GPR19: variants seen among roughly 807,000 people sequenced by gnomAD.
GPR19 encodes the protein probable G protein-coupled receptor 19.
A neutral mutation model predicts 28.5 loss-of-function variants in GPR19; 14 were observed. That is an observed-to-expected ratio of 0.49 (90% CI 0.32 to 0.77). The LOEUF is 0.77. GPR19 is among the 30% of genes least tolerant of loss of function. The pLI, the probability that GPR19 is intolerant of heterozygous loss-of-function variation, is 0.03. For synonymous variants in GPR19, 173 were observed against 184.1 expected, an observed-to-expected ratio of 0.94 and a Z score of 0.49; for missense variants, 409 against 504.1, an observed-to-expected ratio of 0.81 and a Z score of 1.81.
chr12:12,705,454 A>C, the GPR19 span, among the ~76,000 whole-genome samples: 5 of 152,190 alleles, frequency 3.3e-5, no homozygotes, highest in Non-Finnish European at 5.9e-5. Context: ...AGTTGAAATG[A>C]GAGACTCACA....
intron 3 of GPR19, among the ~76,000 whole-genome samples, chr12:12,673,393 G>C (rs1945881370): frequency 6.6e-6 from 1 of 152,178 alleles, no homozygotes; most frequent in African/African-American, 2.4e-5. Context: ...CTGAGGTCAG[G>C]GGAAGTCCTG....
the GPR19 span, chr12:12,717,194 C>T: frequency 1.9e-6 from 2 of 1,048,230 alleles, no homozygotes; most frequent in Non-Finnish European, 2.3e-6. Context: ...ACGCGACCAG[C>T]CAATCTCCCG....
At chr12:12,667,851 G>T (rs1945804866) in intron 3 of GPR19, among the ~76,000 whole-genome samples, 1 of 152,028 alleles carries the variant, frequency 6.6e-6, no homozygotes, top group South Asian at 2.1e-4. Context: ...TGAGGATAAG[G>T]ACTATGTCTT....
At chr12:12,679,686 T>G (rs550447884) in intron 3 of GPR19, among the ~76,000 whole-genome samples, 2 of 147,354 alleles carry the variant, frequency 1.4e-5, no homozygotes, top group African/African-American at 5.0e-5. Flanking sequence ...AACACTACAA[T>G]GACAAGGACA....
At chr12:12,673,373 G>A (rs558886198) in intron 3 of GPR19, among the ~76,000 whole-genome samples, 1 of 152,352 alleles carries the variant, frequency 6.6e-6, no homozygotes, top group African/African-American at 2.4e-5. Context: ...AGGGCACTGG[G>A]TGGTATCTTC....
At chr12:12,664,037 G>A (rs1216771590) in intron 3 of GPR19, among the ~76,000 whole-genome samples, 3 of 151,974 alleles carry the variant, frequency 2.0e-5, no homozygotes, top group Non-Finnish European at 2.9e-5. Flanking sequence ...TCCGTCCCCC[G>A]GGCTGGTGTG....
At chr12:12,681,617 G>A (rs1362112081) in intron 3 of GPR19, among the ~76,000 whole-genome samples, 1 of 152,188 alleles carries the variant, frequency 6.6e-6, no homozygotes, top group African/African-American at 2.4e-5. Flanking sequence ...TGTAGCACTT[G>A]CCAGCTGGTT....
chr12:12,712,719 G>A, the GPR19 span, among the ~76,000 whole-genome samples: 1 of 152,124 alleles, frequency 6.6e-6, no homozygotes, highest in African/African-American at 2.4e-5. Flanking sequence ...CACCCAGGCT[G>A]GAGTGCAATG....
chr12:12,696,735 G>C (rs957729406), upstream of GPR19, among the ~76,000 whole-genome samples: 3 of 152,212 alleles, frequency 2.0e-5, no homozygotes, highest in Non-Finnish European at 2.9e-5. Flanking sequence ...CTGTGTCGCG[G>C]TTCTCGCCGC....
At chr12:12,691,508 T>C (rs1946180478) in intron 2 of GPR19, among the ~76,000 whole-genome samples, 1 of 152,186 alleles carries the variant, frequency 6.6e-6, no homozygotes, top group Admixed American at 6.5e-5. Flanking sequence ...TTTTATCTTA[T>C]CTGTAGTTCT....
At chr12:12,699,639 G>A (rs550851628), upstream of GPR19, among the ~76,000 whole-genome samples, 6 of 152,248 alleles carry the variant, frequency 3.9e-5, no homozygotes, top group South Asian at 2.1e-4. Context: ...TTCAATCAGA[G>A]GGAAGAGAAT....
intron 3 of GPR19, among the ~76,000 whole-genome samples, chr12:12,679,808 T>C (rs755744095): frequency 2.6e-5 from 4 of 152,196 alleles, no homozygotes; most frequent in Non-Finnish European, 4.4e-5. Flanking sequence ...TCACTTATAA[T>C]CTGTGTAGCT....
At chr12:12,697,179 C>T (rs1283535139), upstream of GPR19, among the ~76,000 whole-genome samples, 1 of 20,166 alleles carries the variant, frequency 5.0e-5, no homozygotes, top group African/African-American at 1.2e-4. Flanking sequence ...AAAAAAAAAG[C>T]AGCCATGCAA....
upstream of GPR19, among the ~76,000 whole-genome samples, chr12:12,697,652 A>G (rs1565413774): frequency 6.6e-6 from 1 of 152,246 alleles, no homozygotes; most frequent in Non-Finnish European, 1.5e-5. Context: ...ATATGAAATT[A>G]AGCAGAGAAT....
chr12:12,701,994 C>T, the GPR19 span, among the ~76,000 whole-genome samples: 1 of 150,172 alleles, frequency 6.7e-6, no homozygotes, highest in Non-Finnish European at 1.5e-5. Flanking sequence ...CTCCTATAAG[C>T]ATTTTGCTTG....
intron 3 of GPR19, among the ~76,000 whole-genome samples, chr12:12,670,112 C>T (rs1201927363): frequency 1.3e-5 from 2 of 152,160 alleles, no homozygotes; most frequent in African/African-American, 4.8e-5. Context: ...TGTGGGGTAA[C>T]AGGAAAATCA....
chr12:12,691,014 G>A (rs1946172836), intron 2 of GPR19, among the ~76,000 whole-genome samples: 1 of 151,582 alleles, frequency 6.6e-6, no homozygotes, highest in Non-Finnish European at 1.5e-5. Flanking sequence ...TGAAGTAGTG[G>A]GTTTTGATTG....
intron 2 of GPR19, among the ~76,000 whole-genome samples, chr12:12,690,079 CTA>C (rs1946162028): frequency 2.0e-5 from 3 of 152,324 alleles, no homozygotes; most frequent in South Asian, 2.1e-4. Context: ...TCCACAGAAA[CTA>C]TGACATAATG....
intron 3 of GPR19, among the ~76,000 whole-genome samples, chr12:12,682,719 A>G (rs949019117): frequency 6.6e-6 from 1 of 152,236 alleles, no homozygotes; most frequent in Non-Finnish European, 1.5e-5. Flanking sequence ...CCTGAAGGGA[A>G]CTGGTAACTT....
Sources: gnomAD v4.1 joint callset for allele counts (sites outside exome capture counted in the v4.1 genomes callset) on GRCh38, gnomAD v4.1.1 for gene constraint, MANE v1.5 for transcripts, NCBI Gene and HGNC (gene_info 2026-07-23, HGNC 2026-07-21) for gene names.